RNF43: variants seen among roughly 807,000 people sequenced by gnomAD.
RNF43 encodes E3 ubiquitin-protein ligase RNF43.
Under a neutral mutation model 78.4 loss-of-function variants are expected in RNF43, and 37 were observed. The observed-to-expected ratio is 0.47, with a 90% CI of 0.36 to 0.62. The LOEUF is 0.62. RNF43 is among the 20% of genes least tolerant of loss of function. The probability of loss-of-function intolerance (pLI) is 0.00; values close to 1 mark genes in which losing one functional copy is unlikely to be tolerated. For synonymous variants in RNF43, 347 were observed against 395.0 expected (o/e 0.88, Z 1.44); for missense variants, 774 against 1,007.9 (o/e 0.77, Z 3.14).
chr17:58,380,992 T>C (rs1286944844), intron 2 of RNF43, among the ~76,000 whole-genome samples: 1 of 152,162 alleles, frequency 6.6e-6, no homozygotes, highest in Non-Finnish European at 1.5e-5. Context: ...ATTGGCACAA[T>C]GCAAGTGGGG....
At chr17:58,401,840 C>A (rs1973807269) in intron 2 of RNF43, among the ~76,000 whole-genome samples, 1 of 145,998 alleles carries the variant, frequency 6.8e-6, no homozygotes. Flanking sequence ...AAAAAAAAAA[C>A]CTATAATCTA....
Position 58,370,810 on chromosome 17 carries a change from C to T in RNF43, c.375+101G>A, listed in dbSNP as rs1360802429. ...TAGGGAAACCCAAGGGAATCAGGTA[C>T]ATCACTCTTAGGAAACATGGGGACA... On this transcript the variant is annotated intron_variant, in intron 3 of 9. Transcript: ENST00000407977. 6.9e-6 allele frequency: 9 copies of T among 1,298,486 alleles called. No homozygotes were observed. The South Asian group carries it at 1.5e-4, about 22-fold the overall frequency. The allele number at this position is 1,298,486 out of a possible 1,614,324, so 80.4% of individuals were successfully genotyped here.
chr17:58,357,080 G>C lies in RNF43; in HGVS notation c.2308+388C>G, dbSNP rs1036999100. On this transcript the variant is annotated intron_variant, in intron 9 of 9. Coordinates refer to ENST00000407977, the MANE Select transcript of RNF43 (RefSeq NM_017763.6). This position sits in a 1 kb window ranked among gnomAD's most constrained non-coding sequence, Gnocchi z 4.5. ...GGCTAATTTTTGTATTTTTAGTAGA[G>C]ATAGGGTTTCACCATGTTGGCCAGG... The C allele has an allele frequency of 1.8e-5, 11 of 625,234 alleles. No individual in the cohort carries two copies. The African/African-American group carries it at 2.0e-4, about 11-fold the overall frequency. The allele number at this position is 625,234 out of a possible 1,614,324, so 38.7% of individuals were successfully genotyped here. A position where few individuals can be genotyped will look rare whatever the true frequency, so the allele number is the denominator to read the frequency against.
chr17:58,402,385 T>G (rs1973822265), intron 2 of RNF43, among the ~76,000 whole-genome samples: 1 of 152,252 alleles, frequency 6.6e-6, no homozygotes, highest in East Asian at 1.9e-4. Flanking sequence ...ATAACAAGAA[T>G]GTACTTTGCC....
At chr17:58,396,649 T>C (rs1450170315) in intron 2 of RNF43, among the ~76,000 whole-genome samples, 1 of 152,164 alleles carries the variant, frequency 6.6e-6, no homozygotes, top group African/African-American at 2.4e-5. Flanking sequence ...AAGGGAGCTA[T>C]TTTTAGAGAC....
In RNF43 at chr17:58,383,857, A is replaced by G. The variant is rs1250866893; in HGVS notation, c.253-12824T>C. 3.3e-5 allele frequency among the ~76,000 whole-genome samples: 5 copies of G among 152,038 alleles called. No homozygotes were observed. In the East Asian group the frequency reaches 9.7e-4, roughly 29 times the overall value. ...GGTCTCGAACTCCTGACCTCAAGTG[A>G]TCTACCCGACTTGACCTCCCAAAGT... On this transcript the variant is annotated intron_variant, in intron 2 of 9. Transcript: ENST00000407977.
At position 58,415,324 on chromosome 17, in the gene RNF43, G is replaced by A. The variant is rs775059555; in HGVS notation, c.252+2C>T. On this transcript the variant is annotated splice_donor_variant, in intron 2 of 9. Transcript: ENST00000407977. LOFTEE classifies it low-confidence loss of function (GC_TO_GT_DONOR). ...AGTGAAATATAATAAAGTTATACTT[G>A]CCTGCATTAATTTTCCTTCTGCTGG... is the stretch of plus-strand genomic sequence containing the variant. The A allele has an allele frequency of 6.2e-7, 1 of 1,614,004 alleles. No individual in the cohort carries two copies. The highest frequency in any genetic ancestry group is 8.5e-7 in the Non-Finnish European group (1 of 1,179,840).
intron 2 of RNF43, among the ~76,000 whole-genome samples, chr17:58,392,806 T>C (rs547720479): frequency 7.5e-4 from 114 of 152,386 alleles, no homozygotes; most frequent in African/African-American, 2.6e-3. Flanking sequence ...GGTTGTTTCA[T>C]TCTCTTGTCC....
chr17:58,352,997 A>C (rs1303175255), downstream of RNF43: 5 of 218,278 alleles, frequency 2.3e-5, no homozygotes, highest in Admixed American at 1.2e-4. Flanking sequence ...TGAGGAAGCG[A>C]CAAAGGCCCC....
chr17:58,391,423 C>A (rs1973557148), intron 2 of RNF43, among the ~76,000 whole-genome samples: 1 of 152,148 alleles, frequency 6.6e-6, no homozygotes, highest in Non-Finnish European at 1.5e-5. Context: ...TGCTCCAATG[C>A]TGAAAGTTTG....
chr17:58,395,950 G>T (rs1973670486), intron 2 of RNF43, among the ~76,000 whole-genome samples: 1 of 151,586 alleles, frequency 6.6e-6, no homozygotes, highest in South Asian at 2.1e-4. Context: ...TTTTTCTGAT[G>T]GGAAGACACA....
intron 2 of RNF43, among the ~76,000 whole-genome samples, chr17:58,384,494 T>C (rs1214014589): frequency 6.6e-6 from 1 of 152,240 alleles, no homozygotes; most frequent in Admixed American, 6.5e-5. Context: ...AAATTAAGAT[T>C]ATTATTCAGC....
Position 58,358,332 on chromosome 17 carries a change from A to G in RNF43, c.1444T>C (p.Cys482Arg), listed in dbSNP as rs2143411940. 6.2e-7 allele frequency: 1 copy of G among 1,614,188 alleles called. No individual in the cohort carries two copies. The highest frequency in any genetic ancestry group is 8.5e-7 in the Non-Finnish European group (1 of 1,180,014). Residue 482 changes from cysteine (C) to arginine (R), a missense_variant, in exon 9 of 10, where the codon TGC (cysteine) becomes CGC (arginine). Transcript: ENST00000407977. The surrounding 1 kb of genome is among the most constrained non-coding windows in gnomAD (Gnocchi z 6.2). Reference sequence around the variant, plus strand: ...ACCCCCTGTAGGCTGATGTCCGTGCAGTTGACCACAGAGTCACTGGAAGAG... The same window carrying G: ...ACCCCCTGTAGGCTGATGTCCGTGCGGTTGACCACAGAGTCACTGGAAGAG... ...HGSSSDSVVNCTDISLQGVHG... is the reference protein window; with the variant it reads ...HGSSSDSVVNRTDISLQGVHG...
intron 2 of RNF43, among the ~76,000 whole-genome samples, chr17:58,407,916 C>T (rs1272534365): frequency 6.6e-6 from 1 of 152,178 alleles, no homozygotes; most frequent in Non-Finnish European, 1.5e-5. Context: ...AGTGGAACCA[C>T]CATGCTGAAG....
At chr17:58,406,329 G>T (rs559050723) in intron 2 of RNF43, among the ~76,000 whole-genome samples, 1 of 152,184 alleles carries the variant, frequency 6.6e-6, no homozygotes, top group Middle Eastern at 3.4e-3. Context: ...AAAAATATTG[G>T]CCAGTAAGAT....
rs764576439 is a variant in RNF43, at chr17:58,363,420, G to A, written c.451-14C>T. On this transcript the variant is annotated splice_polypyrimidine_tract_variant and intron_variant, in intron 4 of 9. Coordinates refer to ENST00000407977, the MANE Select transcript of RNF43 (RefSeq NM_017763.6). Reference sequence around the variant, plus strand: ...CGGCTGCTGCAGCTACAGGGGGAAAGTGCCCACAGGGCTGCTGTGACTTCT... The same window carrying A: ...CGGCTGCTGCAGCTACAGGGGGAAAATGCCCACAGGGCTGCTGTGACTTCT... 7 of 1,614,038 alleles carry A rather than the reference G, an allele frequency of 4.3e-6. No individual in the cohort carries two copies. The African/African-American group carries it at 9.3e-5, about 22-fold the overall frequency.
At chr17:58,399,014 C>T (rs778604555) in intron 2 of RNF43, among the ~76,000 whole-genome samples, 23 of 152,200 alleles carry the variant, frequency 1.5e-4, no homozygotes, top group Non-Finnish European at 2.2e-4. Context: ...GTCCTCCCCA[C>T]GCCCCACTGG....
intron 2 of RNF43, among the ~76,000 whole-genome samples, chr17:58,398,055 A>G (rs1242549920): frequency 6.6e-6 from 1 of 152,196 alleles, no homozygotes; most frequent in Non-Finnish European, 1.5e-5. Flanking sequence ...GGCAACTTGA[A>G]TCTAGGCTCT....
At chr17:58,397,079 A>C (rs1264659193) in intron 2 of RNF43, among the ~76,000 whole-genome samples, 1 of 152,008 alleles carries the variant, frequency 6.6e-6, no homozygotes, top group Non-Finnish European at 1.5e-5. Flanking sequence ...GTAGGAATAC[A>C]GAAATCAGGG....
Sources: gnomAD v4.1 joint callset for allele counts (sites outside exome capture counted in the v4.1 genomes callset) on GRCh38, gnomAD v4.1.1 for gene constraint, Gnocchi (gnomAD v3.1) non-coding constraint, MANE v1.5 for transcripts, NCBI Gene and HGNC (gene_info 2026-07-23, HGNC 2026-07-21) for gene names.